NEDD4L: variants seen among roughly 807,000 people sequenced by gnomAD.
NEDD4L encodes NEDD4 like E3 ubiquitin protein ligase.
In NEDD4L, 54 loss-of-function variants were observed where a neutral mutation model predicts 148.9. That is an observed-to-expected ratio of 0.36 (90% CI 0.29 to 0.45). The LOEUF (loss-of-function observed/expected upper bound fraction) is 0.45, where lower values mean the gene tolerates loss of function less well. Among genes scored for constraint, NEDD4L ranks in the 20% least tolerant of loss-of-function variants. The pLI is 1.00. For synonymous variants in NEDD4L, 433 were observed against 440.7 expected (o/e 0.98, Z 0.22); for missense variants, 856 against 1,233.8 (o/e 0.69, Z 4.59).
intron 5 of NEDD4L, among the ~76,000 whole-genome samples, chr18:58,303,318 C>T (rs559815566): frequency 6.6e-5 from 10 of 152,236 alleles, no homozygotes; most frequent in South Asian, 2.1e-4. Flanking sequence ...GCTTTTGACA[C>T]GACATTGAAG....
At chr18:58,158,217 CTGAG>C (rs926370784) in intron 1 of NEDD4L, among the ~76,000 whole-genome samples, 39 of 152,230 alleles carry the variant, frequency 2.6e-4, no homozygotes, top group African/African-American at 8.9e-4. Flanking sequence ...TTGGGGCTGA[CTGAG>C]TGTCTGCACA....
At chr18:58,248,846 A>G in intron 3 of NEDD4L, 53 bp from the exon 4 acceptor site, 1 of 921,990 alleles carries the variant, frequency 1.1e-6, no homozygotes, top group Non-Finnish European at 1.7e-6. Context: ...TTGTACTAGT[A>G]ACTGCTAATG....
chr18:58,326,325 G>A (rs1472240673), intron 9 of NEDD4L, among the ~76,000 whole-genome samples: 1 of 152,180 alleles, frequency 6.6e-6, no homozygotes, highest in East Asian at 1.9e-4. Context: ...CCCAGCACGG[G>A]CATTAGCTCA....
chr18:58,090,950 C>CAGG (rs1568202349), intron 1 of NEDD4L: 2 of 152,208 alleles, frequency 1.3e-5, no homozygotes, highest in Non-Finnish European at 1.5e-5. Flanking sequence ...GTCCCCTGTC[C>CAGG]AGGAAGTACC....
At chr18:58,050,590 G>A (rs146593840) in intron 1 of NEDD4L, among the ~76,000 whole-genome samples, 113 of 151,758 alleles carry the variant, frequency 7.4e-4, no homozygotes, top group African/African-American at 2.6e-3. Flanking sequence ...GTGAAACTCC[G>A]TCTTTACTAA....
At chr18:58,087,002 A>G (rs2083792361) in intron 1 of NEDD4L, among the ~76,000 whole-genome samples, 1 of 152,128 alleles carries the variant, frequency 6.6e-6, no homozygotes, top group African/African-American at 2.4e-5. Context: ...AGCATTGTGG[A>G]TGTCCTGTGA....
At chr18:58,363,874 A>G (rs1386472337) in intron 19 of NEDD4L, among the ~76,000 whole-genome samples, 1 of 152,236 alleles carries the variant, frequency 6.6e-6, no homozygotes, top group Non-Finnish European at 1.5e-5. Context: ...CAAAATGCCA[A>G]CGTAGGTCAT....
chr18:58,148,163 C>CTTTTT (rs58114617), intron 1 of NEDD4L, among the ~76,000 whole-genome samples: 12 of 141,920 alleles, frequency 8.5e-5, no homozygotes, highest in Non-Finnish European at 4.6e-5. Context: ...CCACACTGTT[C>CTTTTT]TTTTTTTTTT....
chr18:58,174,675 A>G (rs1057386894), intron 2 of NEDD4L, among the ~76,000 whole-genome samples: 1 of 152,174 alleles, frequency 6.6e-6, no homozygotes, highest in African/African-American at 2.4e-5. Context: ...GGGTGAGGCT[A>G]CGTGCGACTG....
intron 1 of NEDD4L, among the ~76,000 whole-genome samples, chr18:58,096,334 ATTAT>A (rs1568210222): frequency 5.4e-5 from 8 of 147,328 alleles, no homozygotes; most frequent in Non-Finnish European, 7.4e-5. Flanking sequence ...CCTTAGTGTG[ATTAT>A]TTTATTTTAT....
rs1232778156 is a variant in NEDD4L, at chr18:58,250,127, A to T, written c.243+1190A>T. On this transcript the variant is annotated intron_variant, in intron 4 of 30. Coordinates refer to ENST00000400345, the MANE Select transcript of NEDD4L (RefSeq NM_001144967.3). ...AGTTCTATTTTTGTTAGTTTTTCTG[A>T]AGGTTTTTTTTGTTTGTTTGTTTTG... Among the ~76,000 whole-genome samples the T allele has an allele frequency of 1.3e-5, 2 of 151,882 alleles. 1 individual carries two copies. Among genetic ancestry groups the T allele is most frequent in the East Asian group, 3.9e-4 (2 of 5,192 alleles).
chr18:58,390,501 A>G, intron 28 of NEDD4L, 145 bp from the exon 29 acceptor site: 3 of 586,898 alleles, frequency 5.1e-6, no homozygotes. Context: ...TATTGTGGCC[A>G]TAAAAAACCT....
intron 1 of NEDD4L, among the ~76,000 whole-genome samples, chr18:58,050,222 G>T (rs1247536835): frequency 6.6e-6 from 1 of 152,126 alleles, no homozygotes; most frequent in Non-Finnish European, 1.5e-5. Context: ...GGAGGCCAAG[G>T]CTGGTGGATC....
intron 1 of NEDD4L, among the ~76,000 whole-genome samples, chr18:58,085,153 T>G (rs1222848768): frequency 1.3e-5 from 2 of 152,312 alleles, no homozygotes; most frequent in East Asian, 3.9e-4. Flanking sequence ...TCTGAGGTAG[T>G]GAAGGTTAAG....
chr18:58,054,839 A>C (rs1672485693), intron 1 of NEDD4L: 1 of 152,202 alleles, frequency 6.6e-6, no homozygotes, highest in Non-Finnish European at 1.5e-5. Context: ...GTTGACGTTG[A>C]ATTCTAGAGT....
In NEDD4L at chr18:58,350,981, C is replaced by T. The variant is rs373387102; in HGVS notation, c.1654-10C>T. ...ATATTTTCTCTCTCCCTTCCTTCCCCGGATACTAGCCTGGCTGGGAAGAAA... is the reference window on the plus strand; with the variant it reads ...ATATTTTCTCTCTCCCTTCCTTCCCTGGATACTAGCCTGGCTGGGAAGAAA... On this transcript the variant is annotated splice_polypyrimidine_tract_variant and intron_variant, in intron 17 of 30. Transcript: ENST00000400345. 1.1e-5 allele frequency: 17 copies of T among 1,582,842 alleles called. No homozygotes were observed. The highest frequency in any genetic ancestry group is 2.3e-5 in the South Asian group (2 of 86,226).
intron 2 of NEDD4L, among the ~76,000 whole-genome samples, chr18:58,220,758 G>T (rs292457): frequency 0.36 from 54,270 of 152,020 alleles, 10,054 homozygotes; most frequent in East Asian, 0.7. Flanking sequence ...AGAGTAGGGT[G>T]TGACTTCTTC....
chr18:58,161,476 A>G (rs2036211815), intron 1 of NEDD4L, among the ~76,000 whole-genome samples: 2 of 151,036 alleles, frequency 1.3e-5, no homozygotes, highest in South Asian at 4.2e-4. Flanking sequence ...TTTCTAAACC[A>G]AAATATTTAA....
intron 1 of NEDD4L, among the ~76,000 whole-genome samples, chr18:58,061,207 C>T (rs985504794): frequency 4.6e-5 from 7 of 152,170 alleles, no homozygotes; most frequent in African/African-American, 7.2e-5. Context: ...GGTTGAGAAA[C>T]CCTGCTGTAG....
Sources: allele counts gnomAD v4.1 joint callset (sites outside exome capture counted in the v4.1 genomes callset), GRCh38; gene constraint gnomAD v4.1.1; transcripts MANE v1.5; gene names NCBI Gene and HGNC (gene_info 2026-07-23, HGNC 2026-07-21).